RASGRP1: variants seen among roughly 807,000 people sequenced by gnomAD.
RASGRP1 encodes the protein RAS guanyl-releasing protein 1.
RASGRP1 carries 37 observed loss-of-function variants against 95.1 expected under a neutral mutation model. That is an observed-to-expected ratio of 0.39 (90% CI 0.30 to 0.51). The LOEUF is 0.51. Among genes scored for constraint, RASGRP1 ranks in the 20% least tolerant of loss-of-function variants. The pLI, the probability that RASGRP1 is intolerant of heterozygous loss-of-function variation, is 0.80. For synonymous variants in RASGRP1, 325 were observed against 353.4 expected (o/e 0.92, Z 0.90); for missense variants, 711 against 965.4 (o/e 0.74, Z 3.49).
chr15:38,561,056 T>C (rs1004945311), intron 1 of RASGRP1, among the ~76,000 whole-genome samples: 5 of 152,132 alleles, frequency 3.3e-5, no homozygotes, highest in African/African-American at 1.2e-4. Flanking sequence ...GAGCATTTAG[T>C]TAATTCTCCT....
intron 2 of RASGRP1, among the ~76,000 whole-genome samples, chr15:38,530,238 A>G (rs776562112): frequency 2.6e-5 from 4 of 152,200 alleles, no homozygotes; most frequent in Middle Eastern, 3.2e-3. Flanking sequence ...AGGTTATCTC[A>G]TGATGATGGC....
intron 2 of RASGRP1, among the ~76,000 whole-genome samples, chr15:38,538,048 G>A (rs1049397507): frequency 1.3e-5 from 2 of 152,174 alleles, no homozygotes; most frequent in African/African-American, 2.4e-5. Context: ...CAGATTACCC[G>A]AGGTCAGGAG....
Position 38,490,692 on chromosome 15 carries a change from A to T in RASGRP1, c.2260-4T>A. 1 of 1,607,626 alleles carries T rather than the reference A, an allele frequency of 6.2e-7. No homozygotes were observed. ...CTGCTTTCAGAGTATTTATTTCCTA[A>T]AGGGAAAGGAGAATGAGGTATGTTA... On this transcript the variant is annotated splice_region_variant and splice_polypyrimidine_tract_variant and intron_variant, in intron 16 of 16. Coordinates refer to ENST00000310803, the MANE Select transcript of RASGRP1 (RefSeq NM_005739.4).
At chr15:38,499,657 A>T (rs1347210915) in intron 14 of RASGRP1, among the ~76,000 whole-genome samples, 1 of 152,190 alleles carries the variant, frequency 6.6e-6, no homozygotes, top group Non-Finnish European at 1.5e-5. Flanking sequence ...ATGGACAACT[A>T]CTATGGGTAA....
At position 38,518,510 on chromosome 15, in the gene RASGRP1, A is replaced by G. The variant is rs562534381; in HGVS notation, c.390-87T>C. 3.2e-4 allele frequency: 442 copies of G among 1,381,226 alleles called. 2 individuals are homozygous for G. Among genetic ancestry groups the G allele is most frequent in the South Asian group, 2.6e-3 (203 of 78,838 alleles). 85.6% of individuals were successfully genotyped at this position (1,381,226 alleles called of 1,614,324 possible). ...GGTTCCAAAAGGAATTTACTGCCACAAAGAGAACTCAGAAAAAGACAAAGT... is the reference window on the plus strand; with the variant it reads ...GGTTCCAAAAGGAATTTACTGCCACGAAGAGAACTCAGAAAAAGACAAAGT... On this transcript the variant is annotated intron_variant, in intron 4 of 16. Transcript: ENST00000310803.
chr15:38,538,868 T>C (rs1394183791), intron 2 of RASGRP1, among the ~76,000 whole-genome samples: 1 of 152,198 alleles, frequency 6.6e-6, no homozygotes, highest in Non-Finnish European at 1.5e-5. Flanking sequence ...ACACCACGGA[T>C]GTCTGGTTAA....
intron 2 of RASGRP1, among the ~76,000 whole-genome samples, chr15:38,528,640 G>A (rs746971509): frequency 8.5e-5 from 13 of 152,084 alleles, no homozygotes; most frequent in Non-Finnish European, 1.9e-4. Flanking sequence ...AGCATGCTCT[G>A]TGGTTGAGTC....
At chr15:38,541,324 T>C (rs1892849268) in intron 2 of RASGRP1, among the ~76,000 whole-genome samples, 1 of 152,078 alleles carries the variant, frequency 6.6e-6, no homozygotes, top group South Asian at 2.1e-4. Flanking sequence ...AGGCCAGGTG[T>C]GGTGACGTGT....
chr15:38,556,482 C>T (rs142224463), intron 2 of RASGRP1, among the ~76,000 whole-genome samples: 1 of 152,332 alleles, frequency 6.6e-6, no homozygotes, highest in African/African-American at 2.4e-5. Context: ...ATGCTTTAAG[C>T]AATACTCAGA....
intron 6 of RASGRP1, among the ~76,000 whole-genome samples, chr15:38,513,783 A>G (rs1359448687): frequency 2.0e-5 from 3 of 152,188 alleles, no homozygotes; most frequent in South Asian, 2.1e-4. Flanking sequence ...CAACTTTCCT[A>G]TGGAAGTCTT....
chr15:38,532,507 G>A (rs577507501), intron 2 of RASGRP1, among the ~76,000 whole-genome samples: 225 of 152,236 alleles, frequency 1.5e-3, no homozygotes, highest in Admixed American at 2.8e-3. Context: ...ATTTTCCACC[G>A]TTAGACTCAG....
rs183573369 is a variant in RASGRP1 at position 38,547,851 on chromosome 15, G to A, written c.220+11970C>T. 3.9e-5 allele frequency among the ~76,000 whole-genome samples: 6 copies of A among 152,164 alleles called. No individual in the cohort carries two copies. In the East Asian group the frequency reaches 9.6e-4, roughly 24 times the overall value. The stretch of plus-strand genomic sequence containing the variant: ...GACATTTCCCTGCTCAAAACTGTGT[G>A]TGTGTGCGCGCGCGCGTGTGTGTGT... On this transcript the variant is annotated intron_variant, in intron 2 of 16. Coordinates refer to ENST00000310803, the MANE Select transcript of RASGRP1 (RefSeq NM_005739.4).
intron 2 of RASGRP1, among the ~76,000 whole-genome samples, chr15:38,539,052 C>T (rs1892767579): frequency 6.6e-6 from 1 of 152,108 alleles, no homozygotes; most frequent in Admixed American, 6.5e-5. Context: ...GTATTATTTG[C>T]ATTATTTTAT....
chr15:38,493,202 A>C (rs1324827229), intron 16 of RASGRP1, among the ~76,000 whole-genome samples: 2 of 65,058 alleles, frequency 3.1e-5, no homozygotes, highest in African/African-American at 5.9e-5. Context: ...TTTTTTTTTT[A>C]AGATGGAGTC....
At chr15:38,505,589 C>T (rs549791847) in intron 10 of RASGRP1, among the ~76,000 whole-genome samples, 2 of 151,438 alleles carry the variant, frequency 1.3e-5, no homozygotes, top group East Asian at 3.9e-4. Context: ...TAGTTATTTA[C>T]TGTTCACTAG....
chr15:38,518,000 G>T (rs546818113), intron 5 of RASGRP1, among the ~76,000 whole-genome samples: 2 of 152,138 alleles, frequency 1.3e-5, no homozygotes, highest in Non-Finnish European at 2.9e-5. Context: ...TCATTATCTG[G>T]ATTAATTTTA....
At chr15:38,538,047 C>T (rs1892726745) in intron 2 of RASGRP1, among the ~76,000 whole-genome samples, 2 of 152,074 alleles carry the variant, frequency 1.3e-5, no homozygotes, top group Non-Finnish European at 2.9e-5. Flanking sequence ...GCAGATTACC[C>T]GAGGTCAGGA....
chr15:38,513,345 C>A (rs1481751869), intron 6 of RASGRP1, among the ~76,000 whole-genome samples: 8 of 152,160 alleles, frequency 5.3e-5, no homozygotes, highest in Admixed American at 2.6e-4. Context: ...CTGACAAAAA[C>A]AAATCTCTCT....
At chr15:38,559,690 A>C in intron 2 of RASGRP1, 131 bp downstream of exon 2, 4 of 980,810 alleles carry the variant, frequency 4.1e-6, no homozygotes, top group Non-Finnish European at 6.0e-6. Context: ...GACTGTCTCC[A>C]ACATTTCAAA....
Sources: gnomAD v4.1 joint callset for allele counts (sites outside exome capture counted in the v4.1 genomes callset) on GRCh38, gnomAD v4.1.1 for gene constraint, MANE v1.5 for transcripts, NCBI Gene and HGNC (gene_info 2026-07-23, HGNC 2026-07-21) for gene names.